Variants in CHODL observed in about 807,000 individuals in gnomAD.
CHODL encodes the protein transmembrane protein MT75.
CHODL carries 29 observed loss-of-function variants against 34.5 expected under a neutral mutation model. The ratio of observed to expected loss-of-function variants is 0.84; its 90% CI spans 0.63 to 1.15. The LOEUF is 1.15. Ranked by LOEUF, CHODL falls within the 50% of genes most tolerant of loss-of-function variation. The pLI is 0.00. For missense variants in CHODL, 332 were observed against 332.5 expected (o/e 1.00, Z 0.01); for synonymous variants, 125 against 116.1 (o/e 1.08, Z -0.49).
chr21:18,158,614 G>T (rs1202409587), intron 2 of CHODL, among the ~76,000 whole-genome samples: 1 of 152,100 alleles, frequency 6.6e-6, no homozygotes, highest in African/African-American at 2.4e-5. Flanking sequence ...GAGGCGGGTG[G>T]ATCACCTGAG....
intron 2 of CHODL, among the ~76,000 whole-genome samples, chr21:18,155,748 C>A (rs540599062): frequency 3.9e-4 from 59 of 152,290 alleles, no homozygotes; most frequent in African/African-American, 1.3e-3. Flanking sequence ...GAAACAATAA[C>A]CCTGAATGGA....
At chr21:17,986,182 A>T (rs1417389673) in intron 1 of CHODL, among the ~76,000 whole-genome samples, 3 of 151,614 alleles carry the variant, frequency 2.0e-5, no homozygotes, top group Non-Finnish European at 4.4e-5. Context: ...CATTTTTATT[A>T]TACTTTAAGT....
At chr21:18,199,847 A>G (rs2073632161) in intron 2 of CHODL, among the ~76,000 whole-genome samples, 1 of 152,156 alleles carries the variant, frequency 6.6e-6, no homozygotes, top group Non-Finnish European at 1.5e-5. Flanking sequence ...TTGTCCATTC[A>G]CTGTTTGAAA....
Position 18,244,982 on chromosome 21 carries a change from C to T in CHODL, c.-242C>T. On this transcript the variant is annotated 5_prime_UTR_variant, in exon 1 of 6. Transcript: ENST00000299295. ...ACACGGGACCCCCTAACTTCAGTCC[C>T]CCAAACGCGCACCCTCGAAGTCTTG... The T allele has an allele frequency of 2.2e-6, 1 of 453,324 alleles. No individual in the cohort carries two copies. The highest frequency in any genetic ancestry group is 3.9e-6 in the Non-Finnish European group (1 of 258,536). 28.1% of individuals were successfully genotyped at this position (453,324 alleles called of 1,614,324 possible).
rs564071583 is a variant in CHODL, at chr21:18,092,761, TACAAAGTCAGAGGAG to T, written c.-45+64797_-45+64811del. Among the ~76,000 whole-genome samples, 19 of 152,170 alleles carry T rather than the reference TACAAAGTCAGAGGAG, an allele frequency of 1.2e-4. No homozygotes were observed. The East Asian group carries it at 3.3e-3, about 26-fold the overall frequency. On this transcript the variant is annotated intron_variant, in intron 2 of 6. Coordinates refer to the CHODL transcript ENST00000400127. Reference sequence around the variant, plus strand: ...AACTTGAAGACAGGCTATTTGAAAATACAAAGTCAGAGGAGACAAAGAAAAAAGAATACAAAACAG... The same window carrying T: ...AACTTGAAGACAGGCTATTTGAAAATACAAAGAAAAAAGAATACAAAACAG...
intron 2 of CHODL, among the ~76,000 whole-genome samples, chr21:18,121,568 T>C (rs1323221224): frequency 6.6e-6 from 1 of 152,212 alleles, no homozygotes; most frequent in African/African-American, 2.4e-5. Flanking sequence ...GTAAATACTA[T>C]AGTGCATTAC....
chr21:18,037,419 A>G (rs2064324192), intron 2 of CHODL, among the ~76,000 whole-genome samples: 1 of 151,772 alleles, frequency 6.6e-6, no homozygotes. Context: ...AGTAAGAACA[A>G]TCTTTTAAAA....
intron 1 of CHODL, among the ~76,000 whole-genome samples, chr21:18,013,423 A>C (rs957039729): frequency 8.3e-5 from 11 of 132,392 alleles, no homozygotes; most frequent in Non-Finnish European, 1.7e-4. Flanking sequence ...TATCCCTGTA[A>C]CTGCTTCAAC....
chr21:18,024,483 G>A (rs535955582), intron 1 of CHODL, among the ~76,000 whole-genome samples: 71 of 152,266 alleles, frequency 4.7e-4, no homozygotes, highest in African/African-American at 1.6e-3. Flanking sequence ...TGAAATTTCT[G>A]CCTGATTCGT....
intron 1 of CHODL, among the ~76,000 whole-genome samples, chr21:17,975,000 T>C (rs189529009): frequency 6.6e-6 from 1 of 150,978 alleles, no homozygotes; most frequent in East Asian, 1.9e-4. Flanking sequence ...CCTATTGTAT[T>C]GTTCAAGATA....
At chr21:17,948,050 A>G (rs993645689) in intron 1 of CHODL, among the ~76,000 whole-genome samples, 1 of 152,192 alleles carries the variant, frequency 6.6e-6, no homozygotes, top group Non-Finnish European at 1.5e-5. Context: ...CAACTGAGAA[A>G]CAGAAAGTCA....
Position 18,245,067 on chromosome 21 carries a change from A to G in CHODL, c.-157A>G, listed in dbSNP as rs2074120913. 3.4e-6 allele frequency: 2 copies of G among 584,182 alleles called. No homozygotes were observed. Among genetic ancestry groups the G allele is most frequent in the South Asian group, 2.9e-5 (1 of 34,666 alleles). The allele number at this position is 584,182 out of a possible 1,614,324, so 36.2% of individuals were successfully genotyped here. A position where few individuals can be genotyped will look rare whatever the true frequency, so the allele number is the denominator to read the frequency against. On this transcript the variant is annotated 5_prime_UTR_variant, in exon 1 of 6. Transcript: ENST00000299295. ...CGCGGCAGGCGGCAGGTCCCGGCCG[A>G]AGGCGATGCGCGCAGGGGGTCGGGC...
intron 1 of CHODL, among the ~76,000 whole-genome samples, chr21:17,959,622 G>A (rs197546): frequency 0.48 from 72,777 of 151,922 alleles, 19,132 homozygotes; most frequent in African/African-American, 0.7. Context: ...AAAAACAACT[G>A]TTGTTATAAG....
chr21:18,179,900 A>T (rs547174052), intron 2 of CHODL, among the ~76,000 whole-genome samples: 1 of 152,158 alleles, frequency 6.6e-6, no homozygotes, highest in African/African-American at 2.4e-5. Flanking sequence ...AATAATTTTT[A>T]TTAACTGAAA....
At chr21:18,155,071 T>G (rs545187032) in intron 2 of CHODL, among the ~76,000 whole-genome samples, 2 of 152,328 alleles carry the variant, frequency 1.3e-5, no homozygotes, top group Admixed American at 1.3e-4. Context: ...AAATCTGTAC[T>G]GTAAATTAGC....
In CHODL at chr21:18,057,144, A is replaced by T. The variant is rs900353252; in HGVS notation, c.-45+29173A>T. ...GTGTTCCAATTTCATCCTTGAGGGT[A>T]AGATCCTGATTCCAGCATTCTGGGA... On this transcript the variant is annotated intron_variant, in intron 2 of 6. Transcript: ENST00000400127. 4.6e-5 allele frequency among the ~76,000 whole-genome samples: 7 copies of T among 152,090 alleles called. No individual in the cohort carries two copies. The South Asian group carries it at 1.5e-3, about 32-fold the overall frequency.
At chr21:17,954,998 C>G (rs1430382854) in intron 1 of CHODL, among the ~76,000 whole-genome samples, 1 of 133,394 alleles carries the variant, frequency 7.5e-6, no homozygotes, top group African/African-American at 2.5e-5. Flanking sequence ...CTACCATCAA[C>G]TGGATAGCTT....
intron 2 of CHODL, among the ~76,000 whole-genome samples, chr21:18,151,842 G>A (rs2072972813): frequency 6.6e-6 from 1 of 152,158 alleles, no homozygotes; most frequent in Non-Finnish European, 1.5e-5. Flanking sequence ...GTGGTTGAGA[G>A]CAGAGGAAAA....
At chr21:18,121,711 A>G (rs1016173597) in intron 2 of CHODL, among the ~76,000 whole-genome samples, 2 of 152,114 alleles carry the variant, frequency 1.3e-5, no homozygotes, top group African/African-American at 2.4e-5. Context: ...AAGTTGTACA[A>G]TCCTTTTTTC....
Sources: allele counts gnomAD v4.1 joint callset (sites outside exome capture counted in the v4.1 genomes callset), GRCh38; gene constraint gnomAD v4.1.1; transcripts MANE v1.5; gene names NCBI Gene and HGNC (gene_info 2026-07-23, HGNC 2026-07-21).